Variants in TAFA5 observed in about 807,000 individuals in gnomAD.
TAFA5 encodes the protein chemokine-like protein TAFA-5.
A neutral mutation model predicts 15.3 loss-of-function variants in TAFA5; 6 were observed. That is an observed-to-expected ratio of 0.39 (90% CI 0.21 to 0.77). TAFA5 has a LOEUF of 0.77. TAFA5 is among the 30% of genes least tolerant of loss of function. The pLI is 0.41. For missense variants in TAFA5, 161 were observed against 193.1 expected, an observed-to-expected ratio of 0.83 and a Z score of 0.98; for synonymous variants, 103 against 80.7, an observed-to-expected ratio of 1.28 and a Z score of -1.48.
chr22:48,673,126 G>T lies in TAFA5; in HGVS notation c.262+26380G>T, dbSNP rs115807224. 4.8e-3 allele frequency among the ~76,000 whole-genome samples: 731 copies of T among 152,192 alleles called. 7 individuals are homozygous for T. The highest frequency in any genetic ancestry group is 0.017 in the African/African-American group (695 of 41,526). On this transcript the variant is annotated intron_variant, in intron 2 of 3. Coordinates refer to ENST00000402357, the MANE Select transcript of TAFA5 (RefSeq NM_001082967.3). ...GGGGCACTGTGCTCTAGAAGATATC[G>T]GTCTCGTTGTTCAAGTTCTGAGGAA...
intron 1 of TAFA5, among the ~76,000 whole-genome samples, chr22:48,595,745 A>G (rs1601603465): frequency 1.3e-5 from 2 of 152,266 alleles, no homozygotes; most frequent in African/African-American, 4.8e-5. Flanking sequence ...TCGTGTCTAC[A>G]CAGGGCCACG....
At position 48,489,567 on chromosome 22, in the gene TAFA5, C is replaced by T. The variant is rs780447833; in HGVS notation, c.-26C>T. ...GGCCGGCTGCTGAGACGCGCTGCTG[C>T]CCCCCGCGCGGGCGCCGCGGCTTCA... On this transcript the variant is annotated 5_prime_UTR_variant, in exon 1 of 4. Coordinates refer to ENST00000402357, the MANE Select transcript of TAFA5 (RefSeq NM_001082967.3). The surrounding 1 kb of genome is among the most constrained non-coding windows in gnomAD (Gnocchi z 5.5). 9 of 1,367,168 alleles carry T rather than the reference C, an allele frequency of 6.6e-6. No homozygotes were observed. The South Asian group carries it at 1.1e-4, about 17-fold the overall frequency. 84.7% of individuals were successfully genotyped at this position (1,367,168 alleles called of 1,614,324 possible).
Position 48,490,616 on chromosome 22 carries a change from C to T in TAFA5, c.112+912C>T, listed in dbSNP as rs1002579613. Among the ~76,000 whole-genome samples the T allele has an allele frequency of 2.6e-5, 4 of 151,932 alleles. No homozygotes were observed. The highest frequency in any genetic ancestry group is 9.7e-5 in the African/African-American group (4 of 41,440). On this transcript the variant is annotated intron_variant, in intron 1 of 3. Coordinates refer to ENST00000402357, the MANE Select transcript of TAFA5 (RefSeq NM_001082967.3). This position sits in a 1 kb window ranked among gnomAD's most constrained non-coding sequence, Gnocchi z 5.8. ...GGTAAGTGGGGGCCGCTCAGCGTCC[C>T]GGGCACAGGCTCTGGCCCCAGATGG...
At chr22:48,706,934 G>C (rs1230061900) in intron 2 of TAFA5, among the ~76,000 whole-genome samples, 1 of 152,230 alleles carries the variant, frequency 6.6e-6, no homozygotes, top group Non-Finnish European at 1.5e-5. Context: ...CACAAAATAG[G>C]GTGGGCCTCC....
At chr22:48,565,609 A>G (rs1923382932) in intron 1 of TAFA5, among the ~76,000 whole-genome samples, 1 of 152,170 alleles carries the variant, frequency 6.6e-6, no homozygotes, top group Non-Finnish European at 1.5e-5. Context: ...TGTCATTCTC[A>G]GGTCTTAGGT....
intron 1 of TAFA5, among the ~76,000 whole-genome samples, chr22:48,496,985 G>T (rs1376622982): frequency 6.6e-6 from 1 of 152,220 alleles, no homozygotes; most frequent in Admixed American, 6.5e-5. Context: ...CAGCCACCAG[G>T]GGAGGAGCTG....
intron 1 of TAFA5, among the ~76,000 whole-genome samples, chr22:48,494,841 C>T (rs1045881437): frequency 2.0e-5 from 3 of 152,356 alleles, no homozygotes; most frequent in South Asian, 2.1e-4. Flanking sequence ...CGACTATTCT[C>T]GTCTCTCCTT....
intron 1 of TAFA5, among the ~76,000 whole-genome samples, chr22:48,511,201 T>C (rs1303675621): frequency 6.6e-6 from 1 of 152,150 alleles, no homozygotes; most frequent in Admixed American, 6.5e-5. Flanking sequence ...TTCTTCTTCA[T>C]GTGTGGACAG....
At chr22:48,688,247 G>A (rs537239579) in intron 2 of TAFA5, among the ~76,000 whole-genome samples, 2 of 152,250 alleles carry the variant, frequency 1.3e-5, no homozygotes, top group East Asian at 3.9e-4. Flanking sequence ...TAATCAGAGA[G>A]CCATCTTGAA....
intron 1 of TAFA5, among the ~76,000 whole-genome samples, chr22:48,556,259 C>T (rs1427555997): frequency 6.6e-6 from 1 of 152,192 alleles, no homozygotes; most frequent in Admixed American, 6.5e-5. Flanking sequence ...CCTGCATCCC[C>T]AGAGCCCCCT....
At chr22:48,671,195 G>GCTT (rs1927792430) in intron 2 of TAFA5, among the ~76,000 whole-genome samples, 2 of 152,166 alleles carry the variant, frequency 1.3e-5, no homozygotes, top group Admixed American at 1.3e-4. Context: ...ACCCTGCTAA[G>GCTT]CTTCCCCAGG....
rs746216589 is a variant in TAFA5 at position 48,492,065 on chromosome 22, A to G, written c.112+2361A>G. Among the ~76,000 whole-genome samples, 9 of 152,340 alleles carry G rather than the reference A, an allele frequency of 5.9e-5. No homozygotes were observed. The South Asian group carries it at 1.2e-3, about 21-fold the overall frequency. On this transcript the variant is annotated intron_variant, in intron 1 of 3. Coordinates refer to ENST00000402357, the MANE Select transcript of TAFA5 (RefSeq NM_001082967.3). Reference sequence around the variant, plus strand: ...CTTGGAGAAATTAAAACATTTCACTAAAATACAAAATAGACATAATAATAA... The same window carrying G: ...CTTGGAGAAATTAAAACATTTCACTGAAATACAAAATAGACATAATAATAA...
intron 1 of TAFA5, among the ~76,000 whole-genome samples, chr22:48,582,404 CACCACACACAAAATACACCACAT>C (rs1466791230): frequency 1.9e-4 from 28 of 151,060 alleles, no homozygotes; most frequent in African/African-American, 5.1e-4. Context: ...ACACAAAATA[CACCACACACAAAATACACCACAT>C]ACCACACACA....
At chr22:48,501,445 C>T (rs1920951239) in intron 1 of TAFA5, among the ~76,000 whole-genome samples, 1 of 152,228 alleles carries the variant, frequency 6.6e-6, no homozygotes, top group Non-Finnish European at 1.5e-5. Flanking sequence ...AGGCTGGCGG[C>T]GTGAACTCGG....
intron 2 of TAFA5, among the ~76,000 whole-genome samples, chr22:48,674,093 C>T (rs921591348): frequency 3.3e-5 from 5 of 152,180 alleles, no homozygotes; most frequent in Non-Finnish European, 5.9e-5. Flanking sequence ...TCGCCCATCT[C>T]ACATCTAGAC....
intron 1 of TAFA5, among the ~76,000 whole-genome samples, chr22:48,614,127 CCT>C (rs141195959): frequency 0.02 from 3,117 of 152,328 alleles, 124 homozygotes; most frequent in African/African-American, 0.071. Context: ...CTACATCACC[CCT>C]GTCTGCTGGT....
At chr22:48,726,443 T>C (rs1173576067) in intron 3 of TAFA5, among the ~76,000 whole-genome samples, 1 of 151,880 alleles carries the variant, frequency 6.6e-6, no homozygotes, top group Admixed American at 6.5e-5. Flanking sequence ...CCAGTCGTGG[T>C]AGTCTGGACG....
intron 1 of TAFA5, among the ~76,000 whole-genome samples, chr22:48,507,103 G>T (rs1367982129): frequency 6.6e-6 from 1 of 152,148 alleles, no homozygotes; most frequent in Non-Finnish European, 1.5e-5. Flanking sequence ...GCAGTTGGAG[G>T]AGAAGGAGGT....
intron 1 of TAFA5, among the ~76,000 whole-genome samples, chr22:48,644,795 C>G (rs531637340): frequency 6.6e-6 from 1 of 152,314 alleles, no homozygotes; most frequent in Non-Finnish European, 1.5e-5. Flanking sequence ...CCGGGCATTG[C>G]CTGCAGGTTC....
Sources: gnomAD v4.1 joint callset for allele counts (sites outside exome capture counted in the v4.1 genomes callset) on GRCh38, gnomAD v4.1.1 for gene constraint, Gnocchi (gnomAD v3.1) non-coding constraint, MANE v1.5 for transcripts, NCBI Gene and HGNC (gene_info 2026-07-23, HGNC 2026-07-21) for gene names.